The following NISCH variants were observed in gnomAD, a reference collection of about 807,000 sequenced individuals.
The protein encoded by NISCH is nischarin.
In NISCH, 55 loss-of-function variants were observed where a neutral mutation model predicts 138.4. That is an observed-to-expected ratio of 0.40 (90% confidence interval 0.32 to 0.50). The LOEUF is 0.50. Ranked by LOEUF, NISCH falls within the 20% of genes least tolerant of loss-of-function variation. The pLI is 0.71. For missense variants in NISCH, 1,643 were observed against 2,005.5 expected, an observed-to-expected ratio of 0.82 and a Z score of 3.45; for synonymous variants, 860 against 861.5, an observed-to-expected ratio of 1.00 and a Z score of 0.03.
Position 52,480,029 on chromosome 3 carries a change from G to A in NISCH, c.1417-155G>A, listed in dbSNP as rs1049755931. The A allele has an allele frequency of 2.3e-4, 222 of 965,698 alleles. 1 individual carries two copies. Among genetic ancestry groups the A allele is most frequent in the Non-Finnish European group, 3.3e-4 (208 of 633,066 alleles). The allele number at this position is 965,698 out of a possible 1,614,324, so 59.8% of individuals were successfully genotyped here. A position where few individuals can be genotyped will look rare whatever the true frequency, so the allele number is the denominator to read the frequency against. On this transcript the variant is annotated intron_variant, in intron 12 of 20. Transcript: ENST00000345716. ...TCGCGGCCTCTCTGTTCTCTGTGGGGTGGGGACAGTGGTAGTTCCTGCTCT... is the reference window on the plus strand; with the variant it reads ...TCGCGGCCTCTCTGTTCTCTGTGGGATGGGGACAGTGGTAGTTCCTGCTCT...
At chr3:52,484,462 T>TCCCCCCCCCC in intron 13 of NISCH, 51 bp from the exon 14 acceptor site, 3 of 788,670 alleles carry the variant, frequency 3.8e-6, no homozygotes, top group East Asian at 3.5e-5. Context: ...ACAGCCGCTC[T>TCCCCCCCCCC]CCCCGCCCCA....
At chr3:52,459,723 C>A (rs971052982) in intron 3 of NISCH, among the ~76,000 whole-genome samples, 1 of 151,784 alleles carries the variant, frequency 6.6e-6, no homozygotes, top group Admixed American at 6.6e-5. Flanking sequence ...CGTGTGCCAC[C>A]GCACCTGGCC....
intron 3 of NISCH, among the ~76,000 whole-genome samples, chr3:52,465,847 T>A (rs1009786120): frequency 2.6e-5 from 4 of 152,080 alleles, no homozygotes; most frequent in African/African-American, 9.7e-5. Flanking sequence ...GACTGTGCAG[T>A]GAAGGTCAAT....
chr3:52,482,376 G>A (rs1054458081), intron 13 of NISCH, among the ~76,000 whole-genome samples: 2 of 152,200 alleles, frequency 1.3e-5, no homozygotes, highest in East Asian at 3.9e-4. Flanking sequence ...AGCCATGGAT[G>A]ATTGTGACCA....
At chr3:52,479,624 C>T (rs536049083) in intron 11 of NISCH, 125 bp from the exon 12 acceptor site, 46 of 734,362 alleles carry the variant, frequency 6.3e-5, no homozygotes, top group Middle Eastern at 2.5e-4. Flanking sequence ...CACGCCTCCT[C>T]CTCAGCAGAG....
At chr3:52,489,137 C>T (rs2153231817) in intron 16 of NISCH, among the ~76,000 whole-genome samples, 199 bp from the exon 17 acceptor site, 1 of 152,312 alleles carries the variant, frequency 6.6e-6, no homozygotes, top group South Asian at 2.1e-4. Context: ...GCCTCAGCCT[C>T]CCAAAGTGCT....
intron 9 of NISCH, 45 bp from the exon 10 acceptor site, chr3:52,478,052 A>G: frequency 6.3e-7 from 1 of 1,598,880 alleles, no homozygotes; most frequent in Non-Finnish European, 8.5e-7. Context: ...CTATCTTTGG[A>G]GACTTGACCT....
intron 13 of NISCH, among the ~76,000 whole-genome samples, chr3:52,483,191 T>C (rs559391508): frequency 1.2e-4 from 18 of 152,284 alleles, no homozygotes; most frequent in African/African-American, 3.4e-4. Flanking sequence ...CTTCGCTTCG[T>C]GGGGGCGTTT....
At chr3:52,480,067 A>C in intron 12 of NISCH, 117 bp from the exon 13 acceptor site, 3 of 1,190,818 alleles carry the variant, frequency 2.5e-6, no homozygotes, top group Non-Finnish European at 3.7e-6. Flanking sequence ...GGATATGATG[A>C]GACCATCTTT....
At chr3:52,462,517 C>T (rs977435739) in intron 3 of NISCH, among the ~76,000 whole-genome samples, 1 of 152,234 alleles carries the variant, frequency 6.6e-6, no homozygotes, top group Non-Finnish European at 1.5e-5. Context: ...GAATGTTTCT[C>T]TTAACTTTTA....
chr3:52,480,448 G>T (rs1158809108), intron 13 of NISCH, 153 bp downstream of exon 13: 1 of 1,539,766 alleles, frequency 6.5e-7, no homozygotes, highest in South Asian at 1.2e-5. Context: ...TCCTCGCGGG[G>T]GGACACATGG....
chr3:52,476,412 C>A, intron 7 of NISCH, 35 bp from the exon 8 acceptor site: 1 of 1,608,636 alleles, frequency 6.2e-7, no homozygotes, highest in South Asian at 1.1e-5. Flanking sequence ...CGTGAGGGCC[C>A]GAGTGTGGTG....
intron 11 of NISCH, among the ~76,000 whole-genome samples, chr3:52,479,266 A>ACTGC (rs1707196586): frequency 6.7e-6 from 1 of 150,356 alleles, no homozygotes; most frequent in Admixed American, 6.6e-5. Flanking sequence ...CCAACCCCCC[A>ACTGC]CTGCCTGCCA....
intron 13 of NISCH, chr3:52,481,468 AC>A (rs1185594915): frequency 1.0e-5 from 10 of 985,450 alleles, no homozygotes; most frequent in Non-Finnish European, 1.2e-5. Context: ...GCATTTTATT[AC>A]ATAAAAGCCA....
chr3:52,479,284 C>T (rs1237008393), intron 11 of NISCH, among the ~76,000 whole-genome samples: 2 of 152,186 alleles, frequency 1.3e-5, no homozygotes, highest in Non-Finnish European at 2.9e-5. Flanking sequence ...CCAGCCACCA[C>T]TCCCTCCCAC....
rs200807455 is a variant in NISCH, at chr3:52,491,346, G to A, written c.3743-6G>A. 1.9e-5 allele frequency: 31 copies of A among 1,608,854 alleles called. No individual in the cohort carries two copies. Among genetic ancestry groups the A allele is most frequent in the Middle Eastern group, 3.4e-4 (2 of 5,860 alleles). ...CTGTGGCCCTGACCAGCCCCTTCTC[G>A]TGCAGGTTCCACCCCGATGCAGGTG... is the stretch of plus-strand genomic sequence containing the variant. On this transcript the variant is annotated splice_region_variant and splice_polypyrimidine_tract_variant and intron_variant, in intron 19 of 20. Coordinates refer to ENST00000345716, the MANE Select transcript of NISCH (RefSeq NM_007184.4).
At chr3:52,484,763 T>A in intron 14 of NISCH, 126 bp downstream of exon 14, 1 of 1,047,586 alleles carries the variant, frequency 9.5e-7, no homozygotes, top group Non-Finnish European at 1.4e-6. Flanking sequence ...TGGCGTCCTC[T>A]GCTTTGTGCC....
intron 15 of NISCH, among the ~76,000 whole-genome samples, 183 bp downstream of exon 15, chr3:52,486,010 A>C (rs530254713): frequency 6.6e-6 from 1 of 152,336 alleles, no homozygotes; most frequent in Non-Finnish European, 1.5e-5. Flanking sequence ...TCCAAATTCT[A>C]ATACCTAAAC....
chr3:52,458,615 C>A, intron 2 of NISCH, 47 bp from the exon 3 acceptor site: 1 of 1,550,624 alleles, frequency 6.4e-7, no homozygotes. Context: ...CTTACATAGG[C>A]ACAGAGCCTC....
Sources: allele counts gnomAD v4.1 joint callset (sites outside exome capture counted in the v4.1 genomes callset), GRCh38; gene constraint gnomAD v4.1.1; transcripts MANE v1.5; gene names NCBI Gene and HGNC (gene_info 2026-07-23, HGNC 2026-07-21).